HHLA2: variants seen among roughly 807,000 people sequenced by gnomAD.
The protein encoded by HHLA2 is HHLA2 member of B7 family, also known as HERV-H LTR-associating protein 2.
In HHLA2, 48 loss-of-function variants were observed where a neutral mutation model predicts 45.9. That is an observed-to-expected ratio of 1.05 (90% CI 0.83 to 1.33). The LOEUF is 1.33. Ranked by LOEUF, HHLA2 falls within the 40% of genes most tolerant of loss-of-function variation. The probability of loss-of-function intolerance (pLI) is 0.00; values close to 1 mark genes in which losing one functional copy is unlikely to be tolerated. For synonymous variants in HHLA2, 161 were observed against 173.9 expected (o/e 0.93, Z 0.59); for missense variants, 462 against 494.3 (o/e 0.93, Z 0.62).
At chr3:108,357,498 G>A (rs1008134199) in intron 6 of HHLA2, among the ~76,000 whole-genome samples, 4 of 152,062 alleles carry the variant, frequency 2.6e-5, no homozygotes, top group African/African-American at 9.7e-5. Context: ...GCATTAGAGG[G>A]GCCAAGAGAA....
Position 108,357,833 on chromosome 3 carries a change from T to C in HHLA2, c.686-11T>C. Reference sequence around the variant, plus strand: ...TCTTCATTGATGTTTTCTTTTCTATTGTGTTGTTAGATGGCCTTCATAAAA... The same window carrying C: ...TCTTCATTGATGTTTTCTTTTCTATCGTGTTGTTAGATGGCCTTCATAAAA... On this transcript the variant is annotated splice_polypyrimidine_tract_variant and intron_variant, in intron 6 of 10. Coordinates refer to ENST00000619531, the Ensembl canonical transcript of HHLA2. 6.3e-7 allele frequency: 1 copy of C among 1,583,328 alleles called. No homozygotes were observed. The highest frequency in any genetic ancestry group is 1.2e-5 in the South Asian group (1 of 86,906).
At chr3:108,375,162 G>C (rs1560287185) in intron 8 of HHLA2, among the ~76,000 whole-genome samples, 3 of 151,976 alleles carry the variant, frequency 2.0e-5, no homozygotes, top group Admixed American at 1.3e-4. Context: ...AAAAAATGAT[G>C]AGTTCATGTC....
At chr3:108,300,089 G>C (rs2080825451) in intron 1 of HHLA2, among the ~76,000 whole-genome samples, 2 of 152,276 alleles carry the variant, frequency 1.3e-5, no homozygotes, top group Admixed American at 6.5e-5. Flanking sequence ...TTGGGTAACA[G>C]GCAGTTTATT....
chr3:108,332,397 C>A (rs1340401448), intron 3 of HHLA2, among the ~76,000 whole-genome samples: 1 of 152,134 alleles, frequency 6.6e-6, no homozygotes, highest in Non-Finnish European at 1.5e-5. Flanking sequence ...CATTAAAAAT[C>A]ATTTCATAAA....
chr3:108,355,457 A>T (rs1454278940), intron 6 of HHLA2, 76 bp downstream of exon 5: 1 of 1,478,980 alleles, frequency 6.8e-7, no homozygotes, highest in African/African-American at 1.4e-5. Context: ...TTGCAAAAAA[A>T]GAAAGGAAGA....
intron 8 of HHLA2, among the ~76,000 whole-genome samples, chr3:108,371,084 C>T (rs1166944262): frequency 5.9e-5 from 9 of 152,160 alleles, no homozygotes; most frequent in African/African-American, 9.7e-5. Context: ...AGAGAAAAGT[C>T]GGGTTACCCA....
chr3:108,371,511 A>G (rs1441655129), intron 8 of HHLA2, among the ~76,000 whole-genome samples: 3 of 152,216 alleles, frequency 2.0e-5, no homozygotes, highest in African/African-American at 7.2e-5. Context: ...AAATGCTCCA[A>G]TTAAAAGACA....
intron 8 of HHLA2, among the ~76,000 whole-genome samples, chr3:108,371,282 A>T (rs1431021080): frequency 1.3e-5 from 2 of 152,324 alleles, no homozygotes; most frequent in East Asian, 3.9e-4. Context: ...ATGCTGAGAG[A>T]TTTTGTCACC....
At chr3:108,301,051 T>C (rs995917471) in intron 1 of HHLA2, among the ~76,000 whole-genome samples, 2 of 152,200 alleles carry the variant, frequency 1.3e-5, no homozygotes, top group Non-Finnish European at 2.9e-5. Flanking sequence ...GAAGGAATTA[T>C]ACATGCACAA....
intron 10 of HHLA2, chr3:108,376,969 G>C: frequency 2.6e-6 from 1 of 391,500 alleles, no homozygotes; most frequent in East Asian, 3.9e-5. Context: ...ATTCCTTTTA[G>C]TATTTATGTG....
chr3:108,362,066 T>G (rs2107483703), intron 7 of HHLA2, among the ~76,000 whole-genome samples: 1 of 152,246 alleles, frequency 6.6e-6, no homozygotes, highest in Non-Finnish European at 1.5e-5. Flanking sequence ...CCAATAATAT[T>G]ATGGTATCTG....
chr3:108,376,662 A>G (rs1002455260), intron 10 of HHLA2, 105 bp downstream of exon 9: 6 of 990,440 alleles, frequency 6.1e-6, no homozygotes, highest in Non-Finnish European at 9.1e-6. Flanking sequence ...CAAGACTTTT[A>G]TACAGAAAAA....
At chr3:108,312,306 A>G (rs565523235) in intron 2 of HHLA2, among the ~76,000 whole-genome samples, 1 of 152,338 alleles carries the variant, frequency 6.6e-6, no homozygotes, top group East Asian at 1.9e-4. Flanking sequence ...AATTTTCTGT[A>G]AGATAATAAA....
In HHLA2 at chr3:108,318,652, G is replaced by GA. The variant is rs137992301; in HGVS notation, c.-105+7920dup. ...TGAGGAAAAATTAGAAAATGGAGAAGAAAAAAAAATCACAACTCTATCATG... is the reference window on the plus strand; with the variant it reads ...TGAGGAAAAATTAGAAAATGGAGAAGAAAAAAAAAATCACAACTCTATCATG... On this transcript the variant is annotated intron_variant, in intron 2 of 10. Transcript: ENST00000619531. 2.7e-3 allele frequency among the ~76,000 whole-genome samples: 400 copies of GA among 150,674 alleles called. 3 individuals carry two copies. The highest frequency in any genetic ancestry group is 9.2e-3 in the African/African-American group (378 of 41,150).
At chr3:108,369,671 T>C (rs935602513) in intron 8 of HHLA2, among the ~76,000 whole-genome samples, 4 of 152,176 alleles carry the variant, frequency 2.6e-5, no homozygotes, top group Non-Finnish European at 4.4e-5. Context: ...TTATATCCTG[T>C]GCATGACTCA....
At chr3:108,331,075 C>A (rs2081378324) in intron 3 of HHLA2, among the ~76,000 whole-genome samples, 1 of 152,080 alleles carries the variant, frequency 6.6e-6, no homozygotes, top group South Asian at 2.1e-4. Flanking sequence ...GTGTTTCAAA[C>A]CTGGGCATCC....
intron 1 of HHLA2, among the ~76,000 whole-genome samples, chr3:108,307,899 ATATATATG>A (rs1212781924): frequency 6.6e-6 from 1 of 152,114 alleles, no homozygotes; most frequent in African/African-American, 2.4e-5. Context: ...CATAACAGGT[ATATATATG>A]TATGAGATAC....
chr3:108,337,073 T>A (rs1390796707), intron 3 of HHLA2, among the ~76,000 whole-genome samples: 1 of 151,990 alleles, frequency 6.6e-6, no homozygotes, highest in Non-Finnish European at 1.5e-5. Context: ...CTATTCAAAG[T>A]GGGGGGTCTG....
At chr3:108,351,637 A>G (rs1182257924) in intron 3 of HHLA2, 151 bp from the exon 3 acceptor site, 2 of 522,994 alleles carry the variant, frequency 3.8e-6, no homozygotes, top group African/African-American at 1.9e-5. Flanking sequence ...CCGATAACCT[A>G]TTAAGAAATT....
Sources: allele counts gnomAD v4.1 joint callset (sites outside exome capture counted in the v4.1 genomes callset), GRCh38; gene constraint gnomAD v4.1.1; transcripts MANE v1.5; gene names NCBI Gene and HGNC (gene_info 2026-07-23, HGNC 2026-07-21).